The following HS3ST3A1 variants were observed in gnomAD, a reference collection of about 807,000 sequenced individuals.
The protein encoded by HS3ST3A1 is heparan sulfate-glucosamine 3-sulfotransferase 3A1.
Under a neutral mutation model 25.7 loss-of-function variants are expected in HS3ST3A1, and 19 were observed. That is an observed-to-expected ratio of 0.74 (90% CI 0.52 to 1.08). The LOEUF (loss-of-function observed/expected upper bound fraction) is 1.08. HS3ST3A1 is among the 50% of genes least tolerant of loss of function. HS3ST3A1 has a pLI of 0.00. For synonymous variants in HS3ST3A1, 226 were observed against 278.6 expected, an observed-to-expected ratio of 0.81 and a Z score of 1.88; for missense variants, 459 against 594.3, an observed-to-expected ratio of 0.77 and a Z score of 2.37.
At chr17:13,514,510 T>C (rs1282134733) in intron 1 of HS3ST3A1, among the ~76,000 whole-genome samples, 3 of 152,248 alleles carry the variant, frequency 2.0e-5, no homozygotes, top group Admixed American at 6.5e-5. Context: ...TATACTAAGT[T>C]GCTATGTATC....
chr17:13,571,973 G>T (rs1907827586), intron 1 of HS3ST3A1, among the ~76,000 whole-genome samples: 8 of 152,030 alleles, frequency 5.3e-5, no homozygotes. Flanking sequence ...CTAGCCAGTT[G>T]GTCTCGAACT....
At chr17:13,583,080 T>A (rs1035829473) in intron 1 of HS3ST3A1, among the ~76,000 whole-genome samples, 2 of 152,174 alleles carry the variant, frequency 1.3e-5, no homozygotes, top group Admixed American at 1.3e-4. Flanking sequence ...TCCACGGCCA[T>A]AGAAAGGCAT....
chr17:13,559,436 A>G (rs1387254264), intron 1 of HS3ST3A1, among the ~76,000 whole-genome samples: 1 of 151,188 alleles, frequency 6.6e-6, no homozygotes, highest in Non-Finnish European at 1.5e-5. Context: ...TTTTTATTAC[A>G]TGTGAATATA....
intron 1 of HS3ST3A1, among the ~76,000 whole-genome samples, chr17:13,530,005 T>TACAC (rs3220827): frequency 0.46 from 69,175 of 148,932 alleles, 16,608 homozygotes; most frequent in Admixed American, 0.56. Flanking sequence ...TTTATGTAAC[T>TACAC]ACACACACAC....
chr17:13,506,105 G>C (rs1382533125), intron 1 of HS3ST3A1, among the ~76,000 whole-genome samples: 1 of 148,180 alleles, frequency 6.7e-6, no homozygotes, highest in South Asian at 2.1e-4. Flanking sequence ...TTAAAGTTAG[G>C]GTTTCTGCAT....
intron 1 of HS3ST3A1, among the ~76,000 whole-genome samples, chr17:13,594,179 C>A (rs1453603087): frequency 1.3e-5 from 2 of 152,118 alleles, no homozygotes; most frequent in Admixed American, 6.5e-5. Flanking sequence ...TGTATTATAT[C>A]GGGGATCATG....
chr17:13,517,612 G>T (rs1906098001), intron 1 of HS3ST3A1, among the ~76,000 whole-genome samples: 1 of 152,146 alleles, frequency 6.6e-6, no homozygotes, highest in Admixed American at 6.5e-5. Context: ...CAGATATAGA[G>T]AATGGGAACT....
At chr17:13,583,806 G>A (rs553877322) in intron 1 of HS3ST3A1, among the ~76,000 whole-genome samples, 12 of 152,148 alleles carry the variant, frequency 7.9e-5, no homozygotes, top group African/African-American at 1.4e-4. Flanking sequence ...AGAAATATTC[G>A]CTGTGAACTA....
intron 1 of HS3ST3A1, among the ~76,000 whole-genome samples, chr17:13,580,085 C>T (rs1026635614): frequency 1.7e-4 from 26 of 151,588 alleles, no homozygotes; most frequent in African/African-American, 4.8e-4. Context: ...CCATGTTTTT[C>T]GTAAGGGGCA....
intron 1 of HS3ST3A1, among the ~76,000 whole-genome samples, chr17:13,555,600 A>G (rs777781433): frequency 1.3e-5 from 2 of 152,224 alleles, no homozygotes; most frequent in African/African-American, 2.4e-5. Flanking sequence ...GTTAGACTGT[A>G]TTAAGAGCTT....
At chr17:13,540,455 T>C (rs1906898092) in intron 1 of HS3ST3A1, among the ~76,000 whole-genome samples, 2 of 152,212 alleles carry the variant, frequency 1.3e-5, no homozygotes, top group African/African-American at 2.4e-5. Flanking sequence ...GTTCCTTCCA[T>C]CTTCAACATT....
At chr17:13,532,734 T>C (rs771576836) in intron 1 of HS3ST3A1, among the ~76,000 whole-genome samples, 2 of 152,134 alleles carry the variant, frequency 1.3e-5, no homozygotes, top group Non-Finnish European at 2.9e-5. Flanking sequence ...TGGGGACATC[T>C]GGGCAGCAGG....
chr17:13,531,487 C>T lies in HS3ST3A1; in HGVS notation c.600-34669G>A, dbSNP rs992367742. ...TTAAAAGTGTTTCAGACAGGAAAGA[C>T]CTCCTTGAATGTTATAAACTTGAAT... On this transcript the variant is annotated intron_variant, in intron 1 of 1. Transcript: ENST00000284110. 8.5e-5 allele frequency among the ~76,000 whole-genome samples: 13 copies of T among 152,210 alleles called. No individual in the cohort carries two copies. In the East Asian group the frequency reaches 1.4e-3, roughly 16 times the overall value.
chr17:13,585,857 T>C (rs1416649815), intron 1 of HS3ST3A1, among the ~76,000 whole-genome samples: 1 of 141,532 alleles, frequency 7.1e-6, no homozygotes, highest in African/African-American at 2.7e-5. Flanking sequence ...TTTTTTTTTT[T>C]TTTTTTTTTT....
chr17:13,589,540 T>A (rs940055229), intron 1 of HS3ST3A1, among the ~76,000 whole-genome samples: 6 of 152,136 alleles, frequency 3.9e-5, no homozygotes, highest in African/African-American at 1.4e-4. Flanking sequence ...CACCAAGGAG[T>A]AAGAGTAAGG....
intron 1 of HS3ST3A1, among the ~76,000 whole-genome samples, chr17:13,552,021 A>G (rs1418607236): frequency 6.6e-6 from 1 of 152,092 alleles, no homozygotes; most frequent in African/African-American, 2.4e-5. Context: ...TTTGATTTAC[A>G]CCTGATTTTA....
chr17:13,544,768 C>T (rs992974607), intron 1 of HS3ST3A1, among the ~76,000 whole-genome samples: 8 of 46,026 alleles, frequency 1.7e-4, no homozygotes, highest in African/African-American at 1.4e-3. Flanking sequence ...AAGCTGAACC[C>T]TCCAGGAAAA....
intron 1 of HS3ST3A1, among the ~76,000 whole-genome samples, chr17:13,535,550 G>A (rs954746906): frequency 6.6e-6 from 1 of 152,170 alleles, no homozygotes. Flanking sequence ...GACTGTGAAA[G>A]TGCTACAAGT....
chr17:13,498,899 A>C (rs1905366787), intron 1 of HS3ST3A1, among the ~76,000 whole-genome samples: 1 of 150,850 alleles, frequency 6.6e-6, no homozygotes, highest in Admixed American at 6.6e-5. Flanking sequence ...CAGGAGTTGA[A>C]GGGGAAGTTT....
Sources: allele counts gnomAD v4.1 joint callset (sites outside exome capture counted in the v4.1 genomes callset), GRCh38; gene constraint gnomAD v4.1.1; transcripts MANE v1.5; gene names NCBI Gene and HGNC (gene_info 2026-07-23, HGNC 2026-07-21).